SLC25A26: variants seen among roughly 807,000 people sequenced by gnomAD.
SLC25A26 encodes the protein solute carrier family 25 member 26.
SLC25A26 carries 36 observed loss-of-function variants against 37.8 expected under a neutral mutation model. The ratio of observed to expected loss-of-function variants is 0.95; its 90% CI spans 0.73 to 1.26. The LOEUF is 1.26. SLC25A26 is among the 50% of genes most tolerant of loss of function. The pLI, the probability that SLC25A26 is intolerant of heterozygous loss-of-function variation, is 0.00. For synonymous variants in SLC25A26, 129 were observed against 122.5 expected (o/e 1.05, Z -0.35); for missense variants, 390 against 331.1 (o/e 1.18, Z -1.38).
At chr3:66,294,289 G>GTGAA (rs1465024181) in intron 5 of SLC25A26, among the ~76,000 whole-genome samples, 2 of 152,068 alleles carry the variant, frequency 1.3e-5, no homozygotes, top group Non-Finnish European at 1.5e-5. Context: ...TGTGGCAGTT[G>GTGAA]TGAATGGGAG....
intron 1 of SLC25A26, among the ~76,000 whole-genome samples, chr3:66,203,483 A>G (rs2106817304): frequency 6.6e-6 from 1 of 152,330 alleles, no homozygotes; most frequent in South Asian, 2.1e-4. Flanking sequence ...CTGACTAAAT[A>G]TAATTTTAAC....
chr3:66,148,587 G>A (rs572429158), intron 1 of SLC25A26, among the ~76,000 whole-genome samples: 231 of 152,370 alleles, frequency 1.5e-3, no homozygotes, highest in African/African-American at 4.7e-3. Context: ...CAATGAATGT[G>A]TTGGATAAAT....
chr3:66,228,897 T>A (rs1248661758), intron 1 of SLC25A26, among the ~76,000 whole-genome samples: 1 of 152,238 alleles, frequency 6.6e-6, no homozygotes, highest in Admixed American at 6.5e-5. Flanking sequence ...ATTTGGTTTC[T>A]GTTGAGTCAG....
chr3:66,373,507 C>T (rs1700465524), intron 9 of SLC25A26, among the ~76,000 whole-genome samples: 1 of 152,150 alleles, frequency 6.6e-6, no homozygotes, highest in Non-Finnish European at 1.5e-5. Flanking sequence ...GGTGGGAGAA[C>T]TTTGTGGCCA....
intron 1 of SLC25A26, among the ~76,000 whole-genome samples, chr3:66,169,156 A>G (rs983524899): frequency 3.5e-4 from 53 of 152,282 alleles, no homozygotes; most frequent in African/African-American, 1.2e-3. Context: ...TTCTTTCTTG[A>G]CATCTTTTGG....
intron 1 of SLC25A26, among the ~76,000 whole-genome samples, chr3:66,226,881 A>AC: frequency 5.4e-3 from 1 of 184 alleles, no homozygotes; most frequent in Admixed American, 0.062. Context: ...CTTTGGTTGT[A>AC]ATATATAGGG....
rs183691266 is a variant in SLC25A26, at chr3:66,317,183, C to A, written c.454-29181C>A. On this transcript the variant is annotated intron_variant, in intron 5 of 9. Transcript: ENST00000354883. Reference sequence around the variant, plus strand: ...CTGTGATTATTTGGAGGAGAAGAGGCCCTCTGACTTTTTGAGTTTGCAGCA... The same window carrying A: ...CTGTGATTATTTGGAGGAGAAGAGGACCTCTGACTTTTTGAGTTTGCAGCA... Among the ~76,000 whole-genome samples the A allele has an allele frequency of 5.3e-5, 8 of 152,244 alleles. No individual in the cohort carries two copies. The East Asian group carries it at 1.5e-3, about 29-fold the overall frequency.
chr3:66,190,832 GT>G (rs2106788897), intron 1 of SLC25A26, among the ~76,000 whole-genome samples: 1 of 152,326 alleles, frequency 6.6e-6, no homozygotes, highest in Admixed American at 6.5e-5. Context: ...AGAAATTACT[GT>G]TGAGGACAGT....
chr3:66,269,257 A>C (rs1252590658), intron 5 of SLC25A26, among the ~76,000 whole-genome samples: 1 of 152,206 alleles, frequency 6.6e-6, no homozygotes, highest in Non-Finnish European at 1.5e-5. Flanking sequence ...TGGGTTCTTT[A>C]ACAGGGCTGC....
intron 5 of SLC25A26, among the ~76,000 whole-genome samples, chr3:66,320,065 CTT>C (rs2075653596): frequency 6.6e-6 from 1 of 152,064 alleles, no homozygotes; most frequent in South Asian, 2.1e-4. Flanking sequence ...TGAGACTAAA[CTT>C]TGAATTAATT....
chr3:66,216,824 T>C (rs1320127882), upstream of SLC25A26, among the ~76,000 whole-genome samples: 1 of 152,174 alleles, frequency 6.6e-6, no homozygotes, highest in African/African-American at 2.4e-5. Flanking sequence ...CTGTATCTTT[T>C]AAAATGAAAG....
At chr3:66,225,262 C>T (rs562786795) in intron 1 of SLC25A26, among the ~76,000 whole-genome samples, 32 of 152,342 alleles carry the variant, frequency 2.1e-4, no homozygotes, top group African/African-American at 7.7e-4. Context: ...CGTTTCCGTA[C>T]ATCATCTGAA....
chr3:66,339,320 G>T (rs539443812), intron 5 of SLC25A26, among the ~76,000 whole-genome samples: 13 of 152,110 alleles, frequency 8.5e-5, no homozygotes, highest in African/African-American at 2.9e-4. Context: ...TTAAACGCAA[G>T]TCCTTTGTTA....
chr3:66,281,898 C>T (rs2074352771), intron 5 of SLC25A26, among the ~76,000 whole-genome samples: 1 of 148,868 alleles, frequency 6.7e-6, no homozygotes, highest in African/African-American at 2.5e-5. Context: ...TCTCAGCTCA[C>T]TGCAACCTCC....
intron 5 of SLC25A26, among the ~76,000 whole-genome samples, chr3:66,345,935 G>A (rs1425296303): frequency 6.6e-6 from 1 of 152,220 alleles, no homozygotes; most frequent in East Asian, 1.9e-4. Context: ...GCTCACGCCT[G>A]TAATCCCAGC....
At chr3:66,200,631 A>G (rs2071096963) in intron 1 of SLC25A26, among the ~76,000 whole-genome samples, 1 of 152,238 alleles carries the variant, frequency 6.6e-6, no homozygotes, top group Admixed American at 6.5e-5. Context: ...TGATCAGGGT[A>G]CTTTCATGGT....
intron 1 of SLC25A26, among the ~76,000 whole-genome samples, chr3:66,155,189 A>G (rs188108290): frequency 6.6e-6 from 1 of 152,330 alleles, no homozygotes; most frequent in African/African-American, 2.4e-5. Context: ...CAGCTCAATA[A>G]ATACTTGCTA....
chr3:66,270,748 G>A (rs569803263), intron 5 of SLC25A26, among the ~76,000 whole-genome samples: 27 of 152,178 alleles, frequency 1.8e-4, no homozygotes, highest in African/African-American at 6.0e-4. Context: ...CTGGACTTTA[G>A]CCTTTAGTTT....
At chr3:66,320,943 C>T (rs2075676601) in intron 5 of SLC25A26, among the ~76,000 whole-genome samples, 1 of 151,990 alleles carries the variant, frequency 6.6e-6, no homozygotes, top group South Asian at 2.1e-4. Flanking sequence ...TATTTGTGTT[C>T]CCCCAAAATT....
Sources: allele counts gnomAD v4.1 joint callset (sites outside exome capture counted in the v4.1 genomes callset), GRCh38; gene constraint gnomAD v4.1.1; transcripts MANE v1.5; gene names NCBI Gene and HGNC (gene_info 2026-07-23, HGNC 2026-07-21).